Variants in FOCAD observed in about 807,000 individuals in gnomAD.
The protein encoded by FOCAD is KIAA1797.
Under a neutral mutation model 225.6 loss-of-function variants are expected in FOCAD, and 198 were observed. The observed-to-expected ratio is 0.88, with a 90% CI of 0.78 to 0.99. FOCAD has a LOEUF of 0.99. Among genes scored for constraint, FOCAD ranks in the 50% least tolerant of loss-of-function variants. The probability of loss-of-function intolerance (pLI) is 0.00; values close to 1 mark genes in which losing one functional copy is unlikely to be tolerated. For synonymous variants in FOCAD, 897 were observed against 755.0 expected (o/e 1.19, Z -3.08); for missense variants, 2,713 against 2,123.6 (o/e 1.28, Z -5.46).
chr9:20,730,100 A>G (rs977289420), intron 4 of FOCAD, among the ~76,000 whole-genome samples: 1 of 152,156 alleles, frequency 6.6e-6, no homozygotes, highest in South Asian at 2.1e-4. Flanking sequence ...TCCCCACTTA[A>G]GTCTCAAAAC....
chr9:20,817,329 G>GA (rs1240579844), intron 11 of FOCAD, among the ~76,000 whole-genome samples: 2 of 151,988 alleles, frequency 1.3e-5, no homozygotes, highest in Non-Finnish European at 2.9e-5. Context: ...ACCCCCGAAG[G>GA]AAACCCCATG....
Position 20,988,388 on chromosome 9 carries a change from G to C in FOCAD, c.4963G>C (p.Ala1655Pro). The change falls in exon 41 of 44, where the codon GCT becomes CCT. Residue 1655 changes from alanine (A) to proline (P), a missense_variant. Transcript: ENST00000338382. ...LELMGYIRNV[A>P]YQSTSFHNTA... The stretch of plus-strand genomic sequence containing the variant: ...ACTGATGGGTTATATTAGAAATGTT[G>C]CTTACCAGTCAACATCCTTTCACAA... The C allele has an allele frequency of 6.2e-7, 1 of 1,611,712 alleles. No homozygotes were observed. The highest frequency in any genetic ancestry group is 8.5e-7 in the Non-Finnish European group (1 of 1,178,618).
At chr9:20,815,737 A>C (rs1261217968) in intron 11 of FOCAD, among the ~76,000 whole-genome samples, 1 of 152,118 alleles carries the variant, frequency 6.6e-6, no homozygotes, top group East Asian at 1.9e-4. Context: ...ATTATAGGAC[A>C]CTTACCAGCT....
At chr9:20,705,933 T>G (rs945629742) in intron 1 of FOCAD, among the ~76,000 whole-genome samples, 2 of 122,840 alleles carry the variant, frequency 1.6e-5, no homozygotes, top group Admixed American at 7.5e-5. Flanking sequence ...AGTTTTTTTT[T>G]TTTTTTTTTT....
At chr9:20,686,382 C>T (rs1183591119) in intron 1 of FOCAD, among the ~76,000 whole-genome samples, 1 of 152,176 alleles carries the variant, frequency 6.6e-6, no homozygotes, top group African/African-American at 2.4e-5. Context: ...GTCTCGAAAT[C>T]CTGACCTCAA....
At chr9:20,898,865 G>A (rs1832326242) in intron 21 of FOCAD, among the ~76,000 whole-genome samples, 1 of 151,954 alleles carries the variant, frequency 6.6e-6, no homozygotes, top group African/African-American at 2.4e-5. Context: ...GTAAGGTGTT[G>A]GGGGAGTAGA....
intron 42 of FOCAD, among the ~76,000 whole-genome samples, chr9:20,991,268 TTG>T (rs991962022): frequency 1.3e-5 from 2 of 152,242 alleles, no homozygotes; most frequent in African/African-American, 4.8e-5. Context: ...ATACAGTTGG[TTG>T]AAAGATTCTT....
chr9:20,712,764 A>C (rs1586917442), intron 1 of FOCAD, among the ~76,000 whole-genome samples: 2 of 110,108 alleles, frequency 1.8e-5, no homozygotes, highest in Admixed American at 1.3e-4. Flanking sequence ...ACAGAATCTC[A>C]CTCAGTCACC....
intron 20 of FOCAD, 52 bp downstream of exon 20, chr9:20,882,108 A>G (rs1830720200): frequency 6.6e-7 from 1 of 1,514,748 alleles, no homozygotes; most frequent in Admixed American, 2.0e-5. Context: ...TAATGATTTA[A>G]CTTCCACTTT....
chr9:20,785,456 A>G (rs1045570826), intron 10 of FOCAD, among the ~76,000 whole-genome samples: 13 of 152,084 alleles, frequency 8.5e-5, no homozygotes, highest in African/African-American at 3.1e-4. Flanking sequence ...TGTAGTCTCT[A>G]TATGGATTTG....
At chr9:20,710,088 C>G (rs1430629687) in intron 1 of FOCAD, among the ~76,000 whole-genome samples, 1 of 152,114 alleles carries the variant, frequency 6.6e-6, no homozygotes, top group East Asian at 1.9e-4. Context: ...CTGTATAGTT[C>G]TATCACCATT....
intron 1 of FOCAD, among the ~76,000 whole-genome samples, chr9:20,699,604 G>A (rs973926072): frequency 2.0e-5 from 3 of 150,450 alleles, no homozygotes; most frequent in African/African-American, 7.3e-5. Context: ...TGGGCATGGT[G>A]GCGGGCGCCT....
intron 4 of FOCAD, among the ~76,000 whole-genome samples, chr9:20,729,980 GA>G (rs1826542110): frequency 6.6e-6 from 1 of 152,036 alleles, no homozygotes; most frequent in Non-Finnish European, 1.5e-5. Flanking sequence ...AATAATAATA[GA>G]AACAACCACT....
intron 36 of FOCAD, among the ~76,000 whole-genome samples, chr9:20,977,850 G>GTT (rs2132598691): frequency 6.6e-6 from 1 of 152,262 alleles, no homozygotes; most frequent in African/African-American, 2.4e-5. Context: ...ATATTGAAAT[G>GTT]TTTGTGTTTC....
chr9:20,713,444 C>A (rs1825038172), intron 1 of FOCAD, among the ~76,000 whole-genome samples: 1 of 152,218 alleles, frequency 6.6e-6, no homozygotes, highest in African/African-American at 2.4e-5. Context: ...CTAGAAGAGA[C>A]TGACCTGGAC....
chr9:20,748,668 T>C (rs796121852), intron 5 of FOCAD, among the ~76,000 whole-genome samples: 13 of 152,242 alleles, frequency 8.5e-5, no homozygotes, highest in African/African-American at 3.1e-4. Context: ...GTAATACTTT[T>C]CAAGGGCCAT....
intron 36 of FOCAD, 73 bp downstream of exon 36, chr9:20,976,621 T>C (rs1342175852): frequency 6.8e-7 from 1 of 1,466,912 alleles, no homozygotes; most frequent in Non-Finnish European, 9.5e-7. Context: ...ACAGATTCTG[T>C]GTCACAATGT....
rs1291546338 is a variant in FOCAD at position 20,804,837 on chromosome 9, G to C, written c.1456-14959G>C. Among the ~76,000 whole-genome samples the C allele has an allele frequency of 7.4e-5, 11 of 149,468 alleles. No individual in the cohort carries two copies. In the Admixed American group the frequency reaches 7.4e-4, roughly 10 times the overall value. On this transcript the variant is annotated intron_variant, in intron 11 of 43. Transcript: ENST00000338382. ...TCTGAAGATTCATTCTTTGCTGCTT[G>C]CATGTAGGAAAAAAAAATCAGTGGC... is the stretch of plus-strand genomic sequence containing the variant.
intron 23 of FOCAD, among the ~76,000 whole-genome samples, chr9:20,913,947 G>C (rs1833656988): frequency 6.6e-6 from 1 of 151,972 alleles, no homozygotes; most frequent in Admixed American, 6.6e-5. Context: ...GAGTATAAAG[G>C]AGTTAGGTCC....
Sources: gnomAD v4.1 joint callset for allele counts (sites outside exome capture counted in the v4.1 genomes callset) on GRCh38, gnomAD v4.1.1 for gene constraint, MANE v1.5 for transcripts, NCBI Gene and HGNC (gene_info 2026-07-23, HGNC 2026-07-21) for gene names.